PIEZO2: variants seen among roughly 807,000 people sequenced by gnomAD.
PIEZO2 encodes piezo-type mechanosensitive ion channel component 2.
Under a neutral mutation model 337.3 loss-of-function variants are expected in PIEZO2, and 172 were observed. The ratio of observed to expected loss-of-function variants is 0.51; its 90% CI spans 0.45 to 0.58. The LOEUF is 0.58. Among genes scored for constraint, PIEZO2 ranks in the 20% least tolerant of loss-of-function variants. The pLI is 0.00. For synonymous variants in PIEZO2, 1,251 were observed against 1,228.5 expected (o/e 1.02, Z -0.38); for missense variants, 3,028 against 3,391.3 (o/e 0.89, Z 2.66).
In PIEZO2 at chr18:10,878,167, C is replaced by T. The variant is rs534738563; in HGVS notation, c.330-6752G>A. On this transcript the variant is annotated intron_variant, in intron 4 of 55. Transcript: ENST00000674853. This position sits in a 1 kb window ranked among gnomAD's most constrained non-coding sequence, Gnocchi z 4.3. ...GATTTACCAATCTGCCTAACAGAAG[C>T]CCTTGCCTGTTTCATCTGTTTCCCT... Among the ~76,000 whole-genome samples the T allele has an allele frequency of 1.3e-5, 2 of 152,348 alleles. No individual in the cohort carries two copies. Among genetic ancestry groups the T allele is most frequent in the South Asian group, 4.1e-4 (2 of 4,828 alleles).
rs148993372 is a variant in PIEZO2 at position 10,673,483 on chromosome 18, C to T, written c.8162-610G>A. ...AGGAGATAACTTCTGAGCTGAGATT[C>T]GCCAAGTGAGAACTTCAATAGGTGA... On this transcript the variant is annotated intron_variant, in intron 54 of 55. Coordinates refer to ENST00000674853, the MANE Select transcript of PIEZO2 (RefSeq NM_001378183.1). This position sits in a 1 kb window ranked among gnomAD's most constrained non-coding sequence, Gnocchi z 4.8. Among the ~76,000 whole-genome samples the T allele has an allele frequency of 8.5e-5, 13 of 152,210 alleles. No homozygotes were observed. Among genetic ancestry groups the T allele is most frequent in the African/African-American group, 2.9e-4 (12 of 41,530 alleles).
intron 14 of PIEZO2, among the ~76,000 whole-genome samples, chr18:10,790,723 T>G (rs1183615434): frequency 1.5e-5 from 2 of 133,442 alleles, no homozygotes; most frequent in Non-Finnish European, 3.2e-5. Flanking sequence ...TTTTTTTTTT[T>G]GAGAGGGAGA....
In PIEZO2 at chr18:10,847,814, A is replaced by G. The variant is rs934866994; in HGVS notation, c.917+7539T>C. On this transcript the variant is annotated intron_variant, in intron 7 of 55. Coordinates refer to ENST00000674853, the MANE Select transcript of PIEZO2 (RefSeq NM_001378183.1). This position sits in a 1 kb window ranked among gnomAD's most constrained non-coding sequence, Gnocchi z 5.7. ...TGAAACCTACACTTGTTTATCATGT[A>G]TCATCTGCCAACTTCACAAATTAAA... Among the ~76,000 whole-genome samples the G allele has an allele frequency of 6.6e-6, 1 of 152,224 alleles. No homozygotes were observed. Among genetic ancestry groups the G allele is most frequent in the Non-Finnish European group, 1.5e-5 (1 of 68,040 alleles).
chr18:10,764,139 G>A (rs2038255806), intron 21 of PIEZO2, among the ~76,000 whole-genome samples: 1 of 152,226 alleles, frequency 6.6e-6, no homozygotes. Flanking sequence ...CCATTGGACA[G>A]TATAGAAGGA....
At chr18:10,786,740 G>C (rs1386797554) in intron 16 of PIEZO2, among the ~76,000 whole-genome samples, 1 of 152,196 alleles carries the variant, frequency 6.6e-6, no homozygotes, top group Non-Finnish European at 1.5e-5. Context: ...CTGAAGAACT[G>C]AGCTCCAATG....
chr18:10,972,692 T>C (rs2034290938), intron 3 of PIEZO2, among the ~76,000 whole-genome samples: 1 of 152,140 alleles, frequency 6.6e-6, no homozygotes, highest in Non-Finnish European at 1.5e-5. Flanking sequence ...TTTGGTACCA[T>C]GCAAGTTCTG....
chr18:10,825,704 C>T (rs771940333), intron 7 of PIEZO2, among the ~76,000 whole-genome samples: 1 of 151,926 alleles, frequency 6.6e-6, no homozygotes, highest in Non-Finnish European at 1.5e-5. Context: ...GCATGTGCCA[C>T]CATGCCAGGC....
intron 28 of PIEZO2, among the ~76,000 whole-genome samples, chr18:10,751,988 C>T (rs942158348): frequency 6.6e-6 from 1 of 152,086 alleles, no homozygotes; most frequent in Non-Finnish European, 1.5e-5. Context: ...TCGTCGGGGC[C>T]TGGTGCGGGT....
intron 2 of PIEZO2, among the ~76,000 whole-genome samples, chr18:11,024,142 C>T (rs898530890): frequency 1.3e-5 from 2 of 152,210 alleles, no homozygotes; most frequent in Non-Finnish European, 2.9e-5. Context: ...CCTGAGTGGG[C>T]GCCAAGGCCG....
rs187617882 is a variant in PIEZO2, at chr18:10,837,981, A to C, written c.917+17372T>G. ...TGGCCAGGCTGGTCTCGAACTCCTG[A>C]TCGCAGGTGATCTGTCCGCCTCGGC... On this transcript the variant is annotated intron_variant, in intron 7 of 55. Transcript: ENST00000674853. The surrounding 1 kb of genome is among the most constrained non-coding windows in gnomAD (Gnocchi z 4.4). 1.7e-4 allele frequency among the ~76,000 whole-genome samples: 26 copies of C among 152,150 alleles called. No homozygotes were observed. The East Asian group carries it at 5.0e-3, about 29-fold the overall frequency.
chr18:10,745,134 T>A (rs1007352645), intron 30 of PIEZO2, among the ~76,000 whole-genome samples: 1 of 152,200 alleles, frequency 6.6e-6, no homozygotes, highest in African/African-American at 2.4e-5. Flanking sequence ...CTCAGTTTCC[T>A]GCACCATCCC....
In PIEZO2 at chr18:11,129,931, A is replaced by C. The variant is rs962415704; in HGVS notation, c.64+18594T>G. ...AGCCTCATCCTGTGGTCATTTCCCC[A>C]ATGCCAGAATGCATAATTGACATAG... On this transcript the variant is annotated intron_variant, in intron 1 of 55. Transcript: ENST00000674853. This position sits in a 1 kb window ranked among gnomAD's most constrained non-coding sequence, Gnocchi z 4.6. Among the ~76,000 whole-genome samples the C allele has an allele frequency of 2.0e-5, 3 of 152,262 alleles. No homozygotes were observed.
intron 4 of PIEZO2, among the ~76,000 whole-genome samples, chr18:10,873,310 T>A (rs117159533): frequency 6.6e-6 from 1 of 152,318 alleles, no homozygotes; most frequent in Non-Finnish European, 1.5e-5. Context: ...GGCATTATTA[T>A]CCTTTTACAC....
In PIEZO2 at chr18:11,033,556, A is replaced by G. The variant is rs1180207680; in HGVS notation, c.160+32571T>C. ...ACTTAAGGAACGCATTCCATGACAC[A>G]TGTTTGACTCCTGGAAAACTTCTCT... On this transcript the variant is annotated intron_variant, in intron 2 of 55. Coordinates refer to ENST00000674853, the MANE Select transcript of PIEZO2 (RefSeq NM_001378183.1). This position sits in a 1 kb window ranked among gnomAD's most constrained non-coding sequence, Gnocchi z 4.2. Among the ~76,000 whole-genome samples the G allele has an allele frequency of 6.6e-6, 1 of 152,204 alleles. No individual in the cohort carries two copies. The highest frequency in any genetic ancestry group is 2.4e-5 in the African/African-American group (1 of 41,446).
At position 11,021,383 on chromosome 18, in the gene PIEZO2, T is replaced by C. The variant is rs2036301776; in HGVS notation, c.161-41723A>G. Among the ~76,000 whole-genome samples the C allele has an allele frequency of 6.6e-6, 1 of 152,194 alleles. No homozygotes were observed. Among genetic ancestry groups the C allele is most frequent in the East Asian group, 1.9e-4 (1 of 5,190 alleles). On this transcript the variant is annotated intron_variant, in intron 2 of 55. Coordinates refer to ENST00000674853, the MANE Select transcript of PIEZO2 (RefSeq NM_001378183.1). The surrounding 1 kb of genome is among the most constrained non-coding windows in gnomAD (Gnocchi z 4.7). ...TTTTCTTTTTCCTTCTACAAAAGCA[T>C]CCCACTCTTGTATTCCATGCAACCT...
At position 10,813,042 on chromosome 18, in the gene PIEZO2, G is replaced by A. The variant is rs538868920; in HGVS notation, c.918-5768C>T. Among the ~76,000 whole-genome samples the A allele has an allele frequency of 2.4e-3, 357 of 148,280 alleles. 5 individuals are homozygous for A. The highest frequency in any genetic ancestry group is 0.023 in the South Asian group (107 of 4,714). On this transcript the variant is annotated intron_variant, in intron 7 of 55. Transcript: ENST00000674853. This position sits in a 1 kb window ranked among gnomAD's most constrained non-coding sequence, Gnocchi z 4.2. ...TCTGTCACCCGGGCTGGAGTGCATTGGGCCTCTGCTCACTGCAACCTCTGC... is the reference window on the plus strand; with the variant it reads ...TCTGTCACCCGGGCTGGAGTGCATTAGGCCTCTGCTCACTGCAACCTCTGC...
chr18:10,760,704 G>A (rs2038088532), intron 24 of PIEZO2, among the ~76,000 whole-genome samples: 1 of 152,216 alleles, frequency 6.6e-6, no homozygotes, highest in Non-Finnish European at 1.5e-5. Flanking sequence ...CCAAGGCACT[G>A]CTGTGGAGGG....
rs1598463807 is a variant in PIEZO2, at chr18:10,775,684, G to T, written c.2535-1646C>A. 2.0e-5 allele frequency among the ~76,000 whole-genome samples: 3 copies of T among 152,308 alleles called. No homozygotes were observed. The South Asian group carries it at 6.2e-4, about 32-fold the overall frequency. On this transcript the variant is annotated intron_variant, in intron 18 of 55. Coordinates refer to ENST00000674853, the MANE Select transcript of PIEZO2 (RefSeq NM_001378183.1). This position sits in a 1 kb window ranked among gnomAD's most constrained non-coding sequence, Gnocchi z 4.3. ...TGCCATGCCACAGGCAGGGTGCATT[G>T]AGGAGAGATCGTTCAATGAAAGAAT...
At chr18:10,949,551 C>T (rs1024114049) in intron 3 of PIEZO2, among the ~76,000 whole-genome samples, 7 of 152,198 alleles carry the variant, frequency 4.6e-5, no homozygotes, top group East Asian at 1.9e-4. Flanking sequence ...TTCTGGCTCC[C>T]GGGTCCCATG....
Sources: gnomAD v4.1 joint callset for allele counts (sites outside exome capture counted in the v4.1 genomes callset) on GRCh38, gnomAD v4.1.1 for gene constraint, Gnocchi (gnomAD v3.1) non-coding constraint, MANE v1.5 for transcripts, NCBI Gene and HGNC (gene_info 2026-07-23, HGNC 2026-07-21) for gene names.